PCDHGA7: variants seen among roughly 807,000 people sequenced by gnomAD.
The protein encoded by PCDHGA7 is protocadherin gamma-A7.
In PCDHGA7, 44 loss-of-function variants were observed where a neutral mutation model predicts 58.3. That is an observed-to-expected ratio of 0.75 (90% CI 0.59 to 0.97). PCDHGA7 has a LOEUF of 0.97. Ranked by LOEUF, PCDHGA7 falls within the 50% of genes least tolerant of loss-of-function variation. PCDHGA7 has a pLI of 0.00. For missense variants in PCDHGA7, 1,266 were observed against 1,188.7 expected (o/e 1.06, Z -0.96); for synonymous variants, 516 against 504.2 (o/e 1.02, Z -0.31).
At chr5:141,413,451 CA>C (rs1561742676) in intron 1 of PCDHGA7, 1 of 1,614,118 alleles carries the variant, frequency 6.2e-7, no homozygotes, top group East Asian at 2.2e-5. Context: ...TCACCGCGGG[CA>C]GGATAGACCG....
chr5:141,423,009 G>T (rs371209178), intron 1 of PCDHGA7: 3 of 1,614,222 alleles, frequency 1.9e-6, no homozygotes, highest in Non-Finnish European at 2.5e-6. Context: ...AGGTGGTTGC[G>T]GTGGACAAAG....
Position 141,432,289 on chromosome 5 carries a change from C to T in PCDHGA7, c.2424+46966C>T, listed in dbSNP as rs762278053. ...CGTCCTACGTGTCCATCAACTCCGACACTGGGGTACTGTATGCGCTGAGCT... is the reference window on the plus strand; with the variant it reads ...CGTCCTACGTGTCCATCAACTCCGATACTGGGGTACTGTATGCGCTGAGCT... On this transcript the variant is annotated intron_variant, in intron 1 of 3. Coordinates refer to ENST00000518325, the MANE Select transcript of PCDHGA7 (RefSeq NM_018920.4). The surrounding 1 kb of genome is among the most constrained non-coding windows in gnomAD (Gnocchi z 6.0). The T allele has an allele frequency of 6.2e-7, 1 of 1,614,266 alleles. No homozygotes were observed. Among genetic ancestry groups the T allele is most frequent in the Admixed American group, 1.7e-5 (1 of 60,038 alleles).
chr5:141,417,618 G>C, intron 1 of PCDHGA7: 3 of 654,348 alleles, frequency 4.6e-6, no homozygotes, highest in Non-Finnish European at 7.4e-6. Flanking sequence ...CCAGTGCAGA[G>C]CAAGCGCTGA....
At position 141,487,030 on chromosome 5, in the gene PCDHGA7, T is replaced by C. The variant is rs773121109; in HGVS notation, c.2425-7777T>C. Reference sequence around the variant, plus strand: ...TGGAGGCCCCAGATCCCAGCCTGTTTGCAGTCTCTCGATATGCTGGGGAGG... The same window carrying C: ...TGGAGGCCCCAGATCCCAGCCTGTTCGCAGTCTCTCGATATGCTGGGGAGG... On this transcript the variant is annotated intron_variant, in intron 1 of 3. Coordinates refer to ENST00000518325, the MANE Select transcript of PCDHGA7 (RefSeq NM_018920.4). The surrounding 1 kb of genome is among the most constrained non-coding windows in gnomAD (Gnocchi z 5.0). 12 of 1,614,100 alleles carry C rather than the reference T, an allele frequency of 7.4e-6. No homozygotes were observed. Among genetic ancestry groups the C allele is most frequent in the Non-Finnish European group, 1.0e-5 (12 of 1,180,044 alleles).
intron 1 of PCDHGA7, chr5:141,426,709 A>G (rs1259104705): frequency 6.8e-6 from 3 of 443,800 alleles, no homozygotes; most frequent in South Asian, 3.1e-5. Flanking sequence ...TTACAAATCA[A>G]TGAACTAGCA....
Position 141,432,484 on chromosome 5 carries a change from G to A in PCDHGA7, c.2424+47161G>A, listed in dbSNP as rs1164877592. On this transcript the variant is annotated intron_variant, in intron 1 of 3. Transcript: ENST00000518325. The surrounding 1 kb of genome is among the most constrained non-coding windows in gnomAD (Gnocchi z 6.0). ...TCCCCACGGACGGTTCCACTGGCGTGGAGCTGGCTCCCCGCTCCGCAGAGC... is the reference window on the plus strand; with the variant it reads ...TCCCCACGGACGGTTCCACTGGCGTAGAGCTGGCTCCCCGCTCCGCAGAGC... 8.7e-6 allele frequency: 14 copies of A among 1,614,196 alleles called. No individual in the cohort carries two copies. Among genetic ancestry groups the A allele is most frequent in the Non-Finnish European group, 1.2e-5 (14 of 1,180,046 alleles).
rs2099684984 is a variant in PCDHGA7 at position 141,489,278 on chromosome 5, G to A, written c.2425-5529G>A. ...ACACTCCCACAGCTCGCTGGGAAAT[G>A]GCAAGTGCTGTGCATGTTGTCCTTG... is the stretch of plus-strand genomic sequence containing the variant. On this transcript the variant is annotated intron_variant, in intron 1 of 3. Transcript: ENST00000518325. The surrounding 1 kb of genome is among the most constrained non-coding windows in gnomAD (Gnocchi z 4.5). The A allele has an allele frequency of 6.4e-7, 1 of 1,561,298 alleles. No homozygotes were observed. The highest frequency in any genetic ancestry group is 2.2e-5 in the East Asian group (1 of 44,520).
intron 1 of PCDHGA7, chr5:141,393,420 G>A (rs2092755571): frequency 1.2e-6 from 2 of 1,614,050 alleles, no homozygotes; most frequent in Non-Finnish European, 1.7e-6. Context: ...CCTGGACAGG[G>A]AGGAAGAGGC....
intron 1 of PCDHGA7, among the ~76,000 whole-genome samples, chr5:141,480,115 G>A (rs1164458958): frequency 6.6e-6 from 1 of 152,110 alleles, no homozygotes; most frequent in African/African-American, 2.4e-5. Flanking sequence ...CATGGTGCCT[G>A]GCATATCATA....
At chr5:141,467,596 C>G (rs2099147035) in intron 1 of PCDHGA7, among the ~76,000 whole-genome samples, 1 of 152,202 alleles carries the variant, frequency 6.6e-6, no homozygotes, top group South Asian at 2.1e-4. Context: ...ATTTATTAAG[C>G]ACTTCATCTT....
chr5:141,394,427 G>A (rs748527281), intron 1 of PCDHGA7: 23 of 1,614,228 alleles, frequency 1.4e-5, no homozygotes, highest in Non-Finnish European at 1.6e-5. Flanking sequence ...GCGACAGCGG[G>A]GACCCGCCCC....
Position 141,432,436 on chromosome 5 carries a change from G to A in PCDHGA7, c.2424+47113G>A, listed in dbSNP as rs753833603. On this transcript the variant is annotated intron_variant, in intron 1 of 3. Coordinates refer to ENST00000518325, the MANE Select transcript of PCDHGA7 (RefSeq NM_018920.4). The surrounding 1 kb of genome is among the most constrained non-coding windows in gnomAD (Gnocchi z 6.0). ...TCGTGCTGGACCAGAACGACAATGC[G>A]CCCGAGATCCTGTACCCCGCCCTCC... The A allele has an allele frequency of 4.3e-6, 7 of 1,614,196 alleles. No homozygotes were observed. The highest frequency in any genetic ancestry group is 1.1e-5 in the South Asian group (1 of 91,084).
intron 1 of PCDHGA7, chr5:141,427,194 T>G (rs759512205): frequency 6.6e-6 from 3 of 456,512 alleles, no homozygotes; most frequent in Non-Finnish European, 1.3e-5. Context: ...ATCCAAAGAC[T>G]TAATAGACTT....
chr5:141,477,678 C>A lies in PCDHGA7; in HGVS notation c.2425-17129C>A, dbSNP rs967769574. 1 of 1,614,182 alleles carries A rather than the reference C, an allele frequency of 6.2e-7. No individual in the cohort carries two copies. The highest frequency in any genetic ancestry group is 1.3e-5 in the African/African-American group (1 of 75,054). ...AATCGTGACAATGGCATAGTGTCAT[C>A]CTTAGTGCCCCTAGACTATGAGGAT... is the stretch of plus-strand genomic sequence containing the variant. On this transcript the variant is annotated intron_variant, in intron 1 of 3. Transcript: ENST00000518325. The surrounding 1 kb of genome is among the most constrained non-coding windows in gnomAD (Gnocchi z 4.9).
intron 1 of PCDHGA7, among the ~76,000 whole-genome samples, chr5:141,444,770 C>A (rs1382748105): frequency 2.6e-5 from 4 of 152,078 alleles, no homozygotes; most frequent in African/African-American, 9.7e-5. Context: ...TTTCTATATT[C>A]TTGATCATGT....
Position 141,382,924 on chromosome 5 carries a change from G to T in PCDHGA7, c.25G>T (p.Asp9Tyr), listed in dbSNP as rs768027809. 2 of 1,568,666 alleles carry T rather than the reference G, an allele frequency of 1.3e-6. No homozygotes were observed. The highest frequency in any genetic ancestry group is 1.7e-6 in the Non-Finnish European group (2 of 1,155,832). The change falls in exon 1 of 4, where the codon GAC becomes TAC. Residue 9 changes from aspartate to tyrosine, a missense_variant. Transcript: ENST00000518325. ...TATGGCGGCTCAGCCGAGGGGCGGG[G>T]ACTACAGAGGATTCTTCCTGCTCTC... MAAQPRGG[D>Y]YRGFFLLSIL...
chr5:141,409,180 T>C (rs2095236494), intron 1 of PCDHGA7: 1 of 1,613,848 alleles, frequency 6.2e-7, no homozygotes, highest in Non-Finnish European at 8.5e-7. Flanking sequence ...ACGGAGGTGG[T>C]CTCTCTACCC....
intron 1 of PCDHGA7, chr5:141,478,878 T>A: frequency 8.0e-7 from 1 of 1,250,194 alleles, no homozygotes; most frequent in Non-Finnish European, 1.1e-6. Flanking sequence ...GAGTTTAGCT[T>A]GGTATCATTT....
intron 1 of PCDHGA7, among the ~76,000 whole-genome samples, chr5:141,466,121 CA>C (rs908379481): frequency 4.8e-5 from 7 of 146,852 alleles, no homozygotes; most frequent in Non-Finnish European, 6.0e-5. Context: ...GACTCCAGCT[CA>C]AAAAAAAAAT....
Sources: allele counts gnomAD v4.1 joint callset (sites outside exome capture counted in the v4.1 genomes callset), GRCh38; gene constraint gnomAD v4.1.1; non-coding constraint Gnocchi (gnomAD v3.1); transcripts MANE v1.5; gene names NCBI Gene and HGNC (gene_info 2026-07-23, HGNC 2026-07-21).